Variants in MAML2 observed in about 807,000 individuals in gnomAD.
The protein encoded by MAML2 is mastermind like transcriptional coactivator 2.
MAML2 carries 22 observed loss-of-function variants against 96.1 expected under a neutral mutation model. The observed-to-expected ratio is 0.23, with a 90% CI of 0.16 to 0.33. MAML2 has a LOEUF of 0.33. Among genes scored for constraint, MAML2 ranks in the 10% least tolerant of loss-of-function variants. The probability of loss-of-function intolerance (pLI) is 1.00; values close to 1 mark genes in which losing one functional copy is unlikely to be tolerated. For synonymous variants in MAML2, 561 were observed against 521.3 expected (o/e 1.08, Z -1.04); for missense variants, 1,367 against 1,392.4 (o/e 0.98, Z 0.29).
chr11:95,984,324 C>T (rs1296044788), intron 4 of MAML2, among the ~76,000 whole-genome samples: 1 of 152,226 alleles, frequency 6.6e-6, no homozygotes, highest in Non-Finnish European at 1.5e-5. Context: ...ATACCCCCAA[C>T]ATTAACCAAC....
At chr11:96,037,580 T>C (rs10831467) in intron 2 of MAML2, among the ~76,000 whole-genome samples, 25,658 of 152,170 alleles carry the variant, frequency 0.17, 2,683 homozygotes, top group East Asian at 0.31. Context: ...AGATTGATAC[T>C]ATGACTTCTG....
At chr11:96,264,676 C>T (rs892685) in intron 1 of MAML2, among the ~76,000 whole-genome samples, 1 of 151,972 alleles carries the variant, frequency 6.6e-6, no homozygotes, top group Non-Finnish European at 1.5e-5. Context: ...AAGCTAATAA[C>T]GGAGGGTCCA....
At chr11:96,098,053 G>A (rs1859861896) in intron 1 of MAML2, among the ~76,000 whole-genome samples, 2 of 152,302 alleles carry the variant, frequency 1.3e-5, no homozygotes, top group South Asian at 4.1e-4. Flanking sequence ...GACACAGATA[G>A]CCCAGACAGC....
intron 2 of MAML2, among the ~76,000 whole-genome samples, chr11:96,079,253 A>G (rs917041633): frequency 8.5e-5 from 13 of 152,246 alleles, no homozygotes; most frequent in Non-Finnish European, 1.9e-4. Flanking sequence ...GACTATGAAA[A>G]TAATTTAAGT....
At chr11:96,272,653 G>A (rs970433355) in intron 1 of MAML2, among the ~76,000 whole-genome samples, 9 of 152,200 alleles carry the variant, frequency 5.9e-5, no homozygotes, top group African/African-American at 2.2e-4. Flanking sequence ...GCAAACACCA[G>A]TATTTGGCCT....
chr11:96,085,062 C>T (rs1859586770), intron 2 of MAML2, among the ~76,000 whole-genome samples: 1 of 152,176 alleles, frequency 6.6e-6, no homozygotes, highest in South Asian at 2.1e-4. Context: ...TAATTTATTG[C>T]TTGGAGAATT....
intron 2 of MAML2, among the ~76,000 whole-genome samples, chr11:95,996,969 G>GTGCATGCA (rs1858001364): frequency 6.6e-6 from 1 of 152,148 alleles, no homozygotes; most frequent in Admixed American, 6.5e-5. Flanking sequence ...GTGTGTATGT[G>GTGCATGCA]TGCATGCATG....
chr11:95,979,787 G>A lies in MAML2; in HGVS notation c.2632C>T (p.Pro878Ser), dbSNP rs1857707443. 1.2e-6 allele frequency: 2 copies of A among 1,613,820 alleles called. No individual in the cohort carries two copies. Among genetic ancestry groups the A allele is most frequent in the African/African-American group, 1.3e-5 (1 of 74,900 alleles). Residue 878 changes from proline (P) to serine (S), a missense_variant, in exon 5 of 5, where the codon CCT becomes TCT. Coordinates refer to ENST00000524717, the MANE Select transcript of MAML2 (RefSeq NM_032427.4). ...GMYGNLPCNQPNTYSVTSGMN... is the reference protein window; with the variant it reads ...GMYGNLPCNQSNTYSVTSGMN... ...CCTGAAGTGACACTGTATGTGTTAGGTTGATTACAAGGCAGATTTCCATAC... is the reference window on the plus strand; with the variant it reads ...CCTGAAGTGACACTGTATGTGTTAGATTGATTACAAGGCAGATTTCCATAC...
At chr11:96,160,670 C>T (rs948689831) in intron 1 of MAML2, among the ~76,000 whole-genome samples, 4 of 152,136 alleles carry the variant, frequency 2.6e-5, no homozygotes, top group Admixed American at 6.5e-5. Context: ...TCAGGTGATC[C>T]GCCTGCCTCT....
intron 1 of MAML2, among the ~76,000 whole-genome samples, chr11:96,121,562 C>T (rs943013769): frequency 2.6e-5 from 4 of 151,938 alleles, no homozygotes; most frequent in African/African-American, 9.7e-5. Context: ...ATTTAAATTT[C>T]AGCTTATCAA....
intron 1 of MAML2, among the ~76,000 whole-genome samples, chr11:96,132,684 C>A (rs1217942687): frequency 3.3e-5 from 5 of 152,194 alleles, no homozygotes; most frequent in African/African-American, 4.8e-5. Flanking sequence ...ACAGCCATGA[C>A]AATATTTCTA....
chr11:96,099,265 C>A (rs933936145), intron 1 of MAML2, among the ~76,000 whole-genome samples: 2 of 152,096 alleles, frequency 1.3e-5, no homozygotes, highest in African/African-American at 2.4e-5. Context: ...TAATATATGA[C>A]TCTTGATTTG....
At chr11:96,121,171 G>A (rs185569004) in intron 1 of MAML2, among the ~76,000 whole-genome samples, 5 of 152,220 alleles carry the variant, frequency 3.3e-5, no homozygotes, top group African/African-American at 7.2e-5. Flanking sequence ...CCCCTACTCC[G>A]CACCAGCCTT....
At position 96,092,452 on chromosome 11, in the gene MAML2, C is replaced by T; in HGVS notation, c.1579G>A (p.Asp527Asn). The T allele has an allele frequency of 6.2e-7, 1 of 1,613,166 alleles. No homozygotes were observed. The highest frequency in any genetic ancestry group is 8.5e-7 in the Non-Finnish European group (1 of 1,179,452). The change falls in exon 2 of 5, where the codon GAT (aspartate) becomes AAT (asparagine). Residue 527 changes from aspartate to asparagine, a missense_variant. Physicochemically the swap from Asp to Asn is conservative, Grantham distance 23. Coordinates refer to ENST00000524717, the MANE Select transcript of MAML2 (RefSeq NM_032427.4). The surrounding 1 kb of genome is among the most constrained non-coding windows in gnomAD (Gnocchi z 4.1). ...TGAGGCTTTTGCTGCATGAGGACATCTAGGTGCCCACCCTGGGCTGAGGGG... is the reference window on the plus strand; with the variant it reads ...TGAGGCTTTTGCTGCATGAGGACATTTAGGTGCCCACCCTGGGCTGAGGGG... ...AGPSAQGGHL[D>N]VLMQQKPQDL...
intron 1 of MAML2, among the ~76,000 whole-genome samples, chr11:96,156,432 GA>G (rs2069245580): frequency 6.6e-6 from 1 of 152,158 alleles, no homozygotes; most frequent in African/African-American, 2.4e-5. Flanking sequence ...CCTTGAGAGG[GA>G]GGCTAACTCT....
chr11:96,306,967 T>C (rs1349023413), intron 1 of MAML2, among the ~76,000 whole-genome samples: 3 of 152,210 alleles, frequency 2.0e-5, no homozygotes, highest in Non-Finnish European at 4.4e-5. Context: ...TAAAGCGTAA[T>C]GTGAATACTC....
At chr11:96,098,645 GT>G (rs1859873507) in intron 1 of MAML2, among the ~76,000 whole-genome samples, 1 of 152,178 alleles carries the variant, frequency 6.6e-6, no homozygotes, top group African/African-American at 2.4e-5. Context: ...TCCCGTCCTT[GT>G]TCTCATTCTT....
chr11:96,103,705 T>A (rs1859973328), intron 1 of MAML2, among the ~76,000 whole-genome samples: 1 of 152,168 alleles, frequency 6.6e-6, no homozygotes, highest in South Asian at 2.1e-4. Flanking sequence ...CATTCTTCAT[T>A]CTTCTTCAGG....
chr11:96,333,877 C>G (rs976352516), intron 1 of MAML2, among the ~76,000 whole-genome samples: 1 of 152,144 alleles, frequency 6.6e-6, no homozygotes, highest in African/African-American at 2.4e-5. Context: ...TCCAATGATT[C>G]AAAACTCCCA....
Sources: allele counts gnomAD v4.1 joint callset (sites outside exome capture counted in the v4.1 genomes callset), GRCh38; gene constraint gnomAD v4.1.1; non-coding constraint Gnocchi (gnomAD v3.1); transcripts MANE v1.5; gene names NCBI Gene and HGNC (gene_info 2026-07-23, HGNC 2026-07-21).